VAV3: variants seen among roughly 807,000 people sequenced by gnomAD.
VAV3 encodes the protein vav guanine nucleotide exchange factor 3.
A neutral mutation model predicts 131.2 loss-of-function variants in VAV3; 94 were observed. The observed-to-expected ratio is 0.72, with a 90% CI of 0.61 to 0.85. The LOEUF is 0.85. Ranked by LOEUF, VAV3 falls within the 40% of genes least tolerant of loss-of-function variation. The probability of loss-of-function intolerance (pLI) is 0.00; values close to 1 mark genes in which losing one functional copy is unlikely to be tolerated. For missense variants in VAV3, 939 were observed against 1,002.7 expected, an observed-to-expected ratio of 0.94 and a Z score of 0.86; for synonymous variants, 349 against 342.0, an observed-to-expected ratio of 1.02 and a Z score of -0.22.
At chr1:107,642,357 T>C (rs1036467269) in intron 20 of VAV3, among the ~76,000 whole-genome samples, 11 of 152,148 alleles carry the variant, frequency 7.2e-5, no homozygotes, top group East Asian at 3.9e-4. Flanking sequence ...GTCAGGAAGT[T>C]ACCCAATATG....
chr1:107,776,673 T>C (rs926823736), intron 4 of VAV3, among the ~76,000 whole-genome samples: 1 of 152,240 alleles, frequency 6.6e-6, no homozygotes, highest in African/African-American at 2.4e-5. Flanking sequence ...ATCCATGTCA[T>C]CAGTTCCTTG....
intron 20 of VAV3, among the ~76,000 whole-genome samples, chr1:107,631,838 T>C (rs1427897862): frequency 2.0e-5 from 3 of 152,126 alleles, no homozygotes; most frequent in Admixed American, 6.6e-5. Flanking sequence ...TAGTATTTCA[T>C]GGTGTATATC....
rs963190594 is a variant in VAV3 at position 107,572,403 on chromosome 1, G to A, written c.*928C>T. ...GTCATCTTTGTGTGTGTGCGGGGGAGGTGGATGGGAGGAAAAGGCATGTAT... is the reference window on the plus strand; with the variant it reads ...GTCATCTTTGTGTGTGTGCGGGGGAAGTGGATGGGAGGAAAAGGCATGTAT... On this transcript the variant is annotated 3_prime_UTR_variant, in exon 27 of 27. Transcript: ENST00000370056. 1 of 152,328 alleles carries A rather than the reference G, an allele frequency of 6.6e-6. No homozygotes were observed. The highest frequency in any genetic ancestry group is 2.4e-5 in the African/African-American group (1 of 41,440). 9.4% of individuals were successfully genotyped at this position (152,328 alleles called of 1,614,324 possible).
intron 2 of VAV3, among the ~76,000 whole-genome samples, chr1:107,803,340 C>G (rs1666915294): frequency 6.6e-6 from 1 of 151,826 alleles, no homozygotes; most frequent in Admixed American, 6.6e-5. Context: ...CCTTGAGGTG[C>G]ATTAGTTCAT....
chr1:107,855,891 A>T, intron 2 of VAV3, among the ~76,000 whole-genome samples: 1 of 152,222 alleles, frequency 6.6e-6, no homozygotes, highest in East Asian at 1.9e-4. Flanking sequence ...ATGTGTGGAG[A>T]AAGCTGAGAG....
intron 17 of VAV3, among the ~76,000 whole-genome samples, chr1:107,694,019 C>A (rs1659599170): frequency 6.6e-6 from 1 of 152,126 alleles, no homozygotes; most frequent in African/African-American, 2.4e-5. Context: ...GATCTGGGTT[C>A]CCTGATTAGA....
In VAV3 at chr1:107,755,437, A is replaced by G. The variant is rs1664048517; in HGVS notation, c.1163T>C (p.Ile388Thr). The G allele has an allele frequency of 1.2e-6, 2 of 1,611,092 alleles. No individual in the cohort carries two copies. Among genetic ancestry groups the G allele is most frequent in the Non-Finnish European group, 1.7e-6 (2 of 1,177,422 alleles). The change falls in exon 12 of 27, where the codon ATA becomes ACA. Residue 388 changes from isoleucine (I) to threonine (T), a missense_variant. By Grantham distance (89) the Ile-to-Thr change is moderately conservative. Coordinates refer to ENST00000370056, the MANE Select transcript of VAV3 (RefSeq NM_006113.5). ...LREIKQFQLSIENLNQPVLLF... is the reference protein window; with the variant it reads ...LREIKQFQLSTENLNQPVLLF... ...AAGATAATTACATACCAAATTCTCT[A>G]TAGATAGCTGAAACTGTTTAATTTC...
chr1:107,796,693 T>C (rs1666563221), intron 2 of VAV3, among the ~76,000 whole-genome samples: 1 of 151,948 alleles, frequency 6.6e-6, no homozygotes, highest in Non-Finnish European at 1.5e-5. Context: ...TAAATTCTTT[T>C]AACTCACAAA....
In VAV3 at chr1:107,848,762, T is replaced by C. The variant is rs571953462; in HGVS notation, c.321+26139A>G. On this transcript the variant is annotated intron_variant, in intron 2 of 26. Coordinates refer to ENST00000370056, the MANE Select transcript of VAV3 (RefSeq NM_006113.5). The stretch of plus-strand genomic sequence containing the variant: ...GATAAAGAAATAAAGGGCATTCAAA[T>C]AGGAAGAGAGGAAGTCAAATTGTCT... 2.0e-5 allele frequency among the ~76,000 whole-genome samples: 3 copies of C among 152,220 alleles called. No individual in the cohort carries two copies. In the East Asian group the frequency reaches 5.8e-4, roughly 29 times the overall value.
rs866610940 is a variant in VAV3, at chr1:107,845,033, G to A, written c.321+29868C>T. ...TGGGAGACACCTCCCAGCAGGGGTCGACAGACACCTCTTACTGGAGAGCTC... is the reference window on the plus strand; with the variant it reads ...TGGGAGACACCTCCCAGCAGGGGTCAACAGACACCTCTTACTGGAGAGCTC... On this transcript the variant is annotated intron_variant, in intron 2 of 26. Transcript: ENST00000370056. Among the ~76,000 whole-genome samples, 7 of 152,168 alleles carry A rather than the reference G, an allele frequency of 4.6e-5. No individual in the cohort carries two copies. The East Asian group carries it at 5.8e-4, about 13-fold the overall frequency.
chr1:107,791,239 T>C (rs530059552), intron 2 of VAV3, among the ~76,000 whole-genome samples: 12 of 152,182 alleles, frequency 7.9e-5, no homozygotes, highest in Admixed American at 3.3e-4. Flanking sequence ...AATAGCCTTG[T>C]GTGCCCCATT....
chr1:107,717,599 GAGAC>G (rs1392045561), intron 15 of VAV3, among the ~76,000 whole-genome samples: 1 of 152,184 alleles, frequency 6.6e-6, no homozygotes, highest in African/African-American at 2.4e-5. Flanking sequence ...TGTGGTCTGA[GAGAC>G]AGTTTGTTGT....
intron 2 of VAV3, among the ~76,000 whole-genome samples, chr1:107,828,345 C>T (rs146838424): frequency 6.6e-6 from 1 of 152,244 alleles, no homozygotes; most frequent in Admixed American, 6.5e-5. Context: ...GAGGTCTAGG[C>T]CTGGCTTATC....
rs989480955 is a variant in VAV3 at position 107,770,282 on chromosome 1, T to C, written c.648+354A>G. Among the ~76,000 whole-genome samples the C allele has an allele frequency of 4.6e-5, 7 of 150,948 alleles. No homozygotes were observed. The South Asian group carries it at 1.1e-3, about 23-fold the overall frequency. Reference sequence around the variant, plus strand: ...ACTCTTTATAAAATGCCACCAGCCCTCCCCCCCCATCACTCTCTATCTTAT... The same window carrying C: ...ACTCTTTATAAAATGCCACCAGCCCCCCCCCCCCATCACTCTCTATCTTAT... On this transcript the variant is annotated intron_variant, in intron 6 of 26. Transcript: ENST00000370056.
intron 2 of VAV3, among the ~76,000 whole-genome samples, chr1:107,815,272 G>A (rs115805951): frequency 0.028 from 4,227 of 152,240 alleles, 90 homozygotes; most frequent in African/African-American, 0.06. Context: ...CTCAAGACCT[G>A]CTTTCTGTCA....
chr1:107,903,765 G>A (rs988213743), intron 1 of VAV3, among the ~76,000 whole-genome samples: 7 of 152,036 alleles, frequency 4.6e-5, no homozygotes, highest in African/African-American at 1.7e-4. Context: ...ATTAAGCATG[G>A]CTAAAACTAA....
chr1:107,694,134 C>T (rs2101798789), intron 17 of VAV3, among the ~76,000 whole-genome samples: 1 of 152,258 alleles, frequency 6.6e-6, no homozygotes, highest in African/African-American at 2.4e-5. Flanking sequence ...TTGTTAGTTA[C>T]CACAGAACAG....
chr1:107,636,645 G>A (rs980794546), intron 20 of VAV3, among the ~76,000 whole-genome samples: 18 of 152,060 alleles, frequency 1.2e-4, no homozygotes, highest in Admixed American at 2.0e-4. Flanking sequence ...ATTGAATACT[G>A]TACTGAAAGT....
At chr1:107,634,564 A>G (rs1475494071) in intron 20 of VAV3, among the ~76,000 whole-genome samples, 1 of 151,308 alleles carries the variant, frequency 6.6e-6, no homozygotes, top group East Asian at 2.0e-4. Flanking sequence ...AGGTATGGGC[A>G]AGGACTTCAT....
Sources: gnomAD v4.1 joint callset for allele counts (sites outside exome capture counted in the v4.1 genomes callset) on GRCh38, gnomAD v4.1.1 for gene constraint, MANE v1.5 for transcripts, NCBI Gene and HGNC (gene_info 2026-07-23, HGNC 2026-07-21) for gene names.